The following TAB2 variants were observed in gnomAD, a reference collection of about 807,000 sequenced individuals.
TAB2 encodes the protein TGF-beta-activated kinase 1 and MAP3K7-binding protein 2.
Under a neutral mutation model 65.0 loss-of-function variants are expected in TAB2, and 3 were observed. The ratio of observed to expected loss-of-function variants is 0.05; its 90% CI spans 0.02 to 0.12. The LOEUF is 0.12. TAB2 is among the 10% of genes least tolerant of loss of function. The pLI, the probability that TAB2 is intolerant of heterozygous loss-of-function variation, is 1.00. For synonymous variants in TAB2, 298 were observed against 285.1 expected, an observed-to-expected ratio of 1.05 and a Z score of -0.46; for missense variants, 623 against 840.3, an observed-to-expected ratio of 0.74 and a Z score of 3.20.
intron 6 of TAB2, among the ~76,000 whole-genome samples, chr6:149,406,947 C>T (rs1231246798): frequency 6.6e-6 from 1 of 152,122 alleles, no homozygotes; most frequent in East Asian, 1.9e-4. Flanking sequence ...GAACTCCTGA[C>T]CTAAAGTGAT....
upstream of TAB2, among the ~76,000 whole-genome samples, chr6:149,316,515 T>C (rs959290774): frequency 5.3e-5 from 8 of 152,246 alleles, no homozygotes; most frequent in East Asian, 1.5e-3. Flanking sequence ...GCCAGGGATA[T>C]GGACATTTTG....
intron 1 of TAB2, among the ~76,000 whole-genome samples, chr6:149,254,018 G>GAAAGAAAGA (rs1777936089): frequency 2.2e-5 from 3 of 137,356 alleles, no homozygotes; most frequent in Admixed American, 7.6e-5. Flanking sequence ...AAGAAAGAAA[G>GAAAGAAAGA]AAAGAAAAGA....
rs1778796563 is a variant in TAB2 at position 149,292,552 on chromosome 6, GGAA to G, written c.-121+73783_-121+73785del. Among the ~76,000 whole-genome samples the G allele has an allele frequency of 2.0e-5, 3 of 152,298 alleles. No individual in the cohort carries two copies. In the South Asian group the frequency reaches 6.2e-4, roughly 32 times the overall value. On this transcript the variant is annotated intron_variant, in intron 1 of 1. Coordinates refer to the TAB2 transcript ENST00000606202. Reference sequence around the variant, plus strand: ...GGGAATGAAAGAAATTGTTTTAAATGGAAGAAGAACCAGTCGTTAAATTTTATT... The same window carrying G: ...GGGAATGAAAGAAATTGTTTTAAATGGAAGAACCAGTCGTTAAATTTTATT...
chr6:149,249,746 C>A lies in TAB2; in HGVS notation c.-121+30970C>A, dbSNP rs532992629. Among the ~76,000 whole-genome samples the A allele has an allele frequency of 2.8e-4, 42 of 152,284 alleles. No individual in the cohort carries two copies. In the South Asian group the frequency reaches 5.0e-3, roughly 18 times the overall value. On this transcript the variant is annotated intron_variant, in intron 1 of 1. Coordinates refer to the TAB2 transcript ENST00000606202. ...CTTTCCTGTGCAGATGCGTCTCCTG[C>A]CCTCATTTCTTCCCTCATTTACTGA... is the stretch of plus-strand genomic sequence containing the variant.
intron 1 of TAB2, among the ~76,000 whole-genome samples, chr6:149,264,410 T>C (rs544886604): frequency 6.6e-6 from 1 of 152,336 alleles, no homozygotes; most frequent in East Asian, 1.9e-4. Flanking sequence ...GGAGGCCTAA[T>C]AAAGAACTGT....
At chr6:149,399,285 C>A in intron 6 of TAB2, 101 bp downstream of exon 6, 2 of 828,428 alleles carry the variant, frequency 2.4e-6, no homozygotes, top group Non-Finnish European at 4.1e-6. Context: ...TTGCTTCAAA[C>A]TTTGGCATTC....
intron 4 of TAB2, 94 bp from the exon 5 acceptor site, chr6:149,397,875 T>A (rs1782228504): frequency 1.3e-6 from 2 of 1,579,706 alleles, no homozygotes; most frequent in Non-Finnish European, 1.7e-6. Context: ...ACTCTTGTTT[T>A]TCTGTCCTTA....
chr6:149,403,263 TATATATATATATATATATATACACAC>T (rs1782517677), intron 6 of TAB2, among the ~76,000 whole-genome samples: 1 of 43,634 alleles, frequency 2.3e-5, no homozygotes, highest in Admixed American at 2.6e-4. Flanking sequence ...TATATATATA[TATATATATATATATATATATACACAC>T]ACACACATAT....
intron 1 of TAB2, among the ~76,000 whole-genome samples, chr6:149,229,417 TG>T (rs1459485386): frequency 6.6e-6 from 1 of 151,800 alleles, no homozygotes; most frequent in African/African-American, 2.4e-5. Flanking sequence ...TGTGTGTGTG[TG>T]TTTGTGTGTG....
intron 1 of TAB2, among the ~76,000 whole-genome samples, chr6:149,304,957 T>A (rs977035102): frequency 9.9e-5 from 15 of 151,916 alleles, no homozygotes; most frequent in African/African-American, 2.9e-4. Flanking sequence ...ACTTTAATCA[T>A]CTCTAGATTA....
At chr6:149,333,079 G>GT (rs1213703350) in intron 1 of TAB2, among the ~76,000 whole-genome samples, 1 of 152,216 alleles carries the variant, frequency 6.6e-6, no homozygotes, top group African/African-American at 2.4e-5. Context: ...TATAGCATGA[G>GT]TACAATACCT....
exon 1 of TAB2, chr6:149,218,706 T>C (rs1777075157): frequency 6.6e-6 from 3 of 455,272 alleles, no homozygotes; most frequent in Non-Finnish European, 1.3e-5. Flanking sequence ...CCAGTTTCAA[T>C]ATGACTGCCT....
intron 3 of TAB2, among the ~76,000 whole-genome samples, chr6:149,382,721 T>G (rs1781655749): frequency 6.6e-6 from 1 of 152,198 alleles, no homozygotes; most frequent in African/African-American, 2.4e-5. Flanking sequence ...GTGTATCTTG[T>G]AGCTTCACTT....
intron 1 of TAB2, among the ~76,000 whole-genome samples, chr6:149,284,760 T>C (rs550042012): frequency 1.3e-5 from 2 of 152,260 alleles, no homozygotes; most frequent in East Asian, 3.9e-4. Flanking sequence ...TTTATCCATC[T>C]AGCTGCTACA....
intron 6 of TAB2, chr6:149,400,945 T>TA: frequency 2.3e-6 from 1 of 426,230 alleles, no homozygotes; most frequent in Non-Finnish European, 4.3e-6. Context: ...TGGGAAAAAA[T>TA]ACTGATTCTG....
chr6:149,293,364 TG>T lies in TAB2; in HGVS notation c.-121+74590del, dbSNP rs1405501170. ...CCTCTTTTTATCCTTGAGAGAAGGC[TG>T]GAAAGTGCAATTGAAATTTTTCTCT... On this transcript the variant is annotated intron_variant, in intron 1 of 1. Coordinates refer to the TAB2 transcript ENST00000606202. Among the ~76,000 whole-genome samples, 8 of 152,344 alleles carry T rather than the reference TG, an allele frequency of 5.3e-5. No individual in the cohort carries two copies. The East Asian group carries it at 1.5e-3, about 29-fold the overall frequency.
intron 1 of TAB2, chr6:149,218,855 A>G: frequency 4.5e-6 from 2 of 448,188 alleles, no homozygotes; most frequent in Middle Eastern, 3.3e-4. Flanking sequence ...GAACTTCTGT[A>G]GAAATGCCTG....
At chr6:149,243,818 T>C (rs1777647895) in intron 1 of TAB2, 1 of 152,258 alleles carries the variant, frequency 6.6e-6, no homozygotes, top group South Asian at 2.1e-4. Context: ...TTGAAGGTTC[T>C]TCATTTAAGG....
intron 1 of TAB2, among the ~76,000 whole-genome samples, chr6:149,333,934 C>A (rs1333533441): frequency 6.6e-6 from 1 of 152,118 alleles, no homozygotes; most frequent in Non-Finnish European, 1.5e-5. Flanking sequence ...TCTAGTAGGA[C>A]AAACTGTGTA....
Sources: gnomAD v4.1 joint callset for allele counts (sites outside exome capture counted in the v4.1 genomes callset) on GRCh38, gnomAD v4.1.1 for gene constraint, MANE v1.5 for transcripts, NCBI Gene and HGNC (gene_info 2026-07-23, HGNC 2026-07-21) for gene names.